KIF27: variants seen among roughly 807,000 people sequenced by gnomAD.
The protein encoded by KIF27 is kinesin family member 27.
In KIF27, 84 loss-of-function variants were observed where a neutral mutation model predicts 141.8. That is an observed-to-expected ratio of 0.59 (90% CI 0.50 to 0.71). The LOEUF is 0.71. Ranked by LOEUF, KIF27 falls within the 30% of genes least tolerant of loss-of-function variation. The pLI is 0.00. For synonymous variants in KIF27, 471 were observed against 569.5 expected, an observed-to-expected ratio of 0.83 and a Z score of 2.46; for missense variants, 1,306 against 1,628.4, an observed-to-expected ratio of 0.80 and a Z score of 3.41.
chr9:83,913,251 G>A (rs1315778914), intron 2 of KIF27, among the ~76,000 whole-genome samples: 1 of 152,114 alleles, frequency 6.6e-6, no homozygotes, highest in African/African-American at 2.4e-5. Flanking sequence ...TAAAATAAGA[G>A]AGTTTCATTC....
At chr9:83,895,370 C>T (rs1471996274) in intron 5 of KIF27, among the ~76,000 whole-genome samples, 4 of 151,824 alleles carry the variant, frequency 2.6e-5, no homozygotes, top group Non-Finnish European at 5.9e-5. Flanking sequence ...AATCAATATC[C>T]ATTCATAATA....
rs149588855 is a variant in KIF27, at chr9:83,834,966, A to G, written c.*2035T>C. On this transcript the variant is annotated 3_prime_UTR_variant, in exon 18 of 18. Transcript: ENST00000297814. ...AAGTGTTTATATACAAGTATATATA[A>G]TGGTAAAAGGTCAGTGCCTTCAACA... Among the ~76,000 whole-genome samples, 1,106 of 148,940 alleles carry G rather than the reference A, an allele frequency of 7.4e-3. 29 individuals are homozygous for G. Among genetic ancestry groups the G allele is most frequent in the East Asian group, 0.037 (189 of 5,146 alleles).
intron 13 of KIF27, among the ~76,000 whole-genome samples, chr9:83,866,111 G>A (rs1442917010): frequency 3.3e-5 from 5 of 151,852 alleles, no homozygotes. Flanking sequence ...AAAATAAATC[G>A]GTCCCAGAGT....
chr9:83,848,184 TG>T (rs1947791265), intron 16 of KIF27, among the ~76,000 whole-genome samples: 3 of 37,724 alleles, frequency 8.0e-5, no homozygotes, highest in Non-Finnish European at 4.4e-5. Context: ...ATATCATATA[TG>T]ATATATATGA....
intron 1 of KIF27, among the ~76,000 whole-genome samples, chr9:83,917,106 A>G (rs1376937089): frequency 3.3e-5 from 5 of 151,944 alleles, no homozygotes; most frequent in African/African-American, 9.7e-5. Context: ...TACATTAGGT[A>G]TATCTCCTAA....
At chr9:83,870,128 C>T (rs1384104490) in intron 12 of KIF27, among the ~76,000 whole-genome samples, 1 of 150,324 alleles carries the variant, frequency 6.7e-6, no homozygotes, top group African/African-American at 2.4e-5. Flanking sequence ...CCAGTTTTTA[C>T]ATCTATCTAT....
intron 1 of KIF27, among the ~76,000 whole-genome samples, chr9:83,917,765 C>T (rs1310675359): frequency 6.6e-6 from 1 of 152,166 alleles, no homozygotes; most frequent in East Asian, 1.9e-4. Context: ...TGAAGTTGGA[C>T]TCCCTACCTC....
intron 11 of KIF27, among the ~76,000 whole-genome samples, chr9:83,871,894 G>T (rs1422119933): frequency 6.6e-6 from 1 of 151,204 alleles, no homozygotes; most frequent in East Asian, 2.0e-4. Flanking sequence ...GAGAGACAGG[G>T]TTTTACCATG....
chr9:83,840,955 G>A (rs1232329346), intron 17 of KIF27, among the ~76,000 whole-genome samples: 18 of 152,132 alleles, frequency 1.2e-4, no homozygotes, highest in South Asian at 4.1e-4. Context: ...TTCTCTAAGC[G>A]TCAGTTGCCT....
At chr9:83,914,972 T>G (rs1176095245) in intron 2 of KIF27, among the ~76,000 whole-genome samples, 1 of 152,230 alleles carries the variant, frequency 6.6e-6, no homozygotes, top group East Asian at 1.9e-4. Flanking sequence ...AACTGGCTTG[T>G]TAAAGAATGC....
intron 11 of KIF27, among the ~76,000 whole-genome samples, chr9:83,873,502 A>C (rs1950961444): frequency 6.6e-6 from 1 of 152,212 alleles, no homozygotes; most frequent in African/African-American, 2.4e-5. Flanking sequence ...CATGACATGG[A>C]TATAAGAGAA....
In KIF27 at chr9:83,915,299, T is replaced by C. The variant is rs1398188008; in HGVS notation, c.293A>G (p.His98Arg). The change falls in exon 2 of 18, where the codon CAT becomes CGT. Residue 98 changes from histidine (H) to arginine (R), a missense_variant. By Grantham distance (29) the His-to-Arg change is conservative (BLOSUM62 0). Around this residue, in one of 4 missense-constraint regions of KIF27, gnomAD observed 533 missense variants for 565.6 expected, o/e 0.94. Transcript: ENST00000297814. ...AAAGAGTATAAGAATCTTACCAATA[T>C]GGCCCCCTCCAATGGTGTATGTCTT... The part of the protein sequence containing the change: ...SGKTYTIGGG[H>R]IASVVEGQKG... The C allele has an allele frequency of 1.3e-6, 2 of 1,593,434 alleles. No homozygotes were observed. Among genetic ancestry groups the C allele is most frequent in the Non-Finnish European group, 8.5e-7 (1 of 1,171,098 alleles).
At chr9:83,874,062 A>AAAG (rs58189689) in intron 11 of KIF27, among the ~76,000 whole-genome samples, 1 of 150,498 alleles carries the variant, frequency 6.6e-6, no homozygotes. Flanking sequence ...AAAAAAAAAA[A>AAAG]GGACACAGGA....
At position 83,836,326 on chromosome 9, in the gene KIF27, T is replaced by G. The variant is rs369845174; in HGVS notation, c.*675A>C. Among the ~76,000 whole-genome samples, 35 of 152,252 alleles carry G rather than the reference T, an allele frequency of 2.3e-4. No homozygotes were observed. In the East Asian group the frequency reaches 6.4e-3, roughly 28 times the overall value. On this transcript the variant is annotated 3_prime_UTR_variant, in exon 18 of 18. Transcript: ENST00000297814. ...CCAGTTTTAGTAACATAATGAGAGA[T>G]ATATTGAGTGTATAGAGCAGGAAAG...
chr9:83,849,168 A>T (rs1279278036), intron 16 of KIF27, among the ~76,000 whole-genome samples: 1 of 152,136 alleles, frequency 6.6e-6, no homozygotes, highest in Non-Finnish European at 1.5e-5. Context: ...GTATAATCCC[A>T]CTCACTTTAA....
rs1345739541 is a variant in KIF27 at position 83,835,833 on chromosome 9, A to G, written c.*1168T>C. ...AACATTAATTAGTTTAAGAAACTCAACTTCGGTTTACAAGTGTTTTGGAAA... is the reference window on the plus strand; with the variant it reads ...AACATTAATTAGTTTAAGAAACTCAGCTTCGGTTTACAAGTGTTTTGGAAA... On this transcript the variant is annotated 3_prime_UTR_variant, in exon 18 of 18. Coordinates refer to ENST00000297814, the MANE Select transcript of KIF27 (RefSeq NM_017576.4). 6.6e-6 allele frequency: 1 copy of G among 152,238 alleles called. No individual in the cohort carries two copies. The highest frequency in any genetic ancestry group is 2.4e-5 in the African/African-American group (1 of 41,456). 9.4% of individuals were successfully genotyped at this position (152,238 alleles called of 1,614,324 possible). A position where few individuals can be genotyped will look rare whatever the true frequency, so the allele number is the denominator to read the frequency against.
chr9:83,870,707 CTTT>C (rs544179803), intron 11 of KIF27, 75 bp from the exon 12 acceptor site: 10,440 of 1,233,928 alleles, frequency 8.5e-3, no homozygotes, highest in East Asian at 0.018. Context: ...CAATTATTTT[CTTT>C]TTTTTTTTTT....
At position 83,891,380 on chromosome 9, in the gene KIF27, A is replaced by T; in HGVS notation, c.1724T>A (p.Ile575Asn). 6.2e-7 allele frequency: 1 copy of T among 1,613,870 alleles called. No individual in the cohort carries two copies. The highest frequency in any genetic ancestry group is 1.7e-4 in the Middle Eastern group (1 of 6,056). The change falls in exon 6 of 18, where the codon ATC (isoleucine) becomes AAC (asparagine). Residue 575 changes from isoleucine to asparagine, a missense_variant. This residue lies in a region of KIF27 where 596 missense variants were observed against 751.6 expected (regional missense o/e 0.79). Coordinates refer to ENST00000297814, the MANE Select transcript of KIF27 (RefSeq NM_017576.4). ...ENCGDGPDAR[I>N]PERRPYTVPF... ...TACAGTATATGGTCTCCTTTCAGGGATCCTGGCATCTGGCCCATCTCCACA... is the reference window on the plus strand; with the variant it reads ...TACAGTATATGGTCTCCTTTCAGGGTTCCTGGCATCTGGCCCATCTCCACA...
intron 11 of KIF27, among the ~76,000 whole-genome samples, chr9:83,877,624 A>G (rs1473701374): frequency 6.6e-6 from 1 of 152,222 alleles, no homozygotes; most frequent in East Asian, 1.9e-4. Context: ...ATGACACCAA[A>G]AAGCACAAGC....
Sources: allele counts gnomAD v4.1 joint callset (sites outside exome capture counted in the v4.1 genomes callset), GRCh38; gene constraint gnomAD v4.1.1; regional missense constraint gnomAD v4.1.1; transcripts MANE v1.5; gene names NCBI Gene and HGNC (gene_info 2026-07-23, HGNC 2026-07-21).